TFEC: variants seen among roughly 807,000 people sequenced by gnomAD.
TFEC encodes the protein class E basic helix-loop-helix protein 34.
A neutral mutation model predicts 41.6 loss-of-function variants in TFEC; 31 were observed. The observed-to-expected ratio is 0.74, with a 90% CI of 0.56 to 1.01. The LOEUF is 1.01. TFEC is among the 50% of genes least tolerant of loss of function. TFEC has a pLI of 0.00. For missense variants in TFEC, 402 were observed against 404.1 expected, an observed-to-expected ratio of 0.99 and a Z score of 0.04; for synonymous variants, 143 against 140.6, an observed-to-expected ratio of 1.02 and a Z score of -0.12.
Position 115,936,555 on chromosome 7 carries a change from T to G in TFEC, c.*3996A>C, listed in dbSNP as rs926736064. ...AATTTGGAACACTTAGTTATGCCAT[T>G]TATTTATTTGAACGTTTAAATTCCA... On this transcript the variant is annotated 3_prime_UTR_variant, in exon 8 of 8. Coordinates refer to ENST00000265440, the MANE Select transcript of TFEC (RefSeq NM_012252.4). 6.6e-6 allele frequency: 1 copy of G among 151,724 alleles called. No homozygotes were observed. The highest frequency in any genetic ancestry group is 1.5e-5 in the Non-Finnish European group (1 of 67,690). 9.4% of individuals were successfully genotyped at this position (151,724 alleles called of 1,614,324 possible). A position where few individuals can be genotyped will look rare whatever the true frequency, so the allele number is the denominator to read the frequency against.
chr7:116,090,513 C>G (rs1797301519), intron 3 of TFEC, among the ~76,000 whole-genome samples: 1 of 152,148 alleles, frequency 6.6e-6, no homozygotes, highest in Non-Finnish European at 1.5e-5. Flanking sequence ...CGGACACCCT[C>G]CACTGGTAAC....
intron 1 of TFEC, among the ~76,000 whole-genome samples, chr7:116,147,005 A>T (rs1798654235): frequency 6.6e-6 from 1 of 152,236 alleles, no homozygotes; most frequent in African/African-American, 2.4e-5. Flanking sequence ...TTAGCCAAAG[A>T]TGAAGACAAA....
At chr7:116,134,958 T>C (rs907409614) in intron 1 of TFEC, among the ~76,000 whole-genome samples, 1 of 152,202 alleles carries the variant, frequency 6.6e-6, no homozygotes, top group African/African-American at 2.4e-5. Flanking sequence ...GGACTTGATA[T>C]TGGACTATGA....
intron 5 of TFEC, among the ~76,000 whole-genome samples, chr7:115,954,109 G>A (rs986190605): frequency 6.6e-6 from 1 of 151,950 alleles, no homozygotes; most frequent in Admixed American, 6.6e-5. Context: ...AGGAAGGCAT[G>A]AGGGCTCTAT....
chr7:116,026,315 T>C (rs928276208), intron 1 of TFEC, among the ~76,000 whole-genome samples: 1 of 152,248 alleles, frequency 6.6e-6, no homozygotes, highest in African/African-American at 2.4e-5. Flanking sequence ...ATTTTAAAGA[T>C]ATGCTTCACC....
chr7:115,939,537 T>G lies in TFEC; in HGVS notation c.*1014A>C, dbSNP rs926673706. The stretch of plus-strand genomic sequence containing the variant: ...AATTGGCAATTCAATTTTCAATATT[T>G]TATCCATTTGGAGAAAAACCAAATC... On this transcript the variant is annotated 3_prime_UTR_variant, in exon 8 of 8. Transcript: ENST00000265440. The G allele has an allele frequency of 1.6e-4, 24 of 152,090 alleles. No individual in the cohort carries two copies. Among genetic ancestry groups the G allele is most frequent in the African/African-American group, 5.8e-4 (24 of 41,434 alleles). 9.4% of individuals were successfully genotyped at this position (152,090 alleles called of 1,614,324 possible).
chr7:116,085,984 C>T (rs752591282), intron 3 of TFEC, among the ~76,000 whole-genome samples: 8 of 151,884 alleles, frequency 5.3e-5, no homozygotes, highest in Non-Finnish European at 1.2e-4. Flanking sequence ...TTGACTCTTA[C>T]ATAACCACTG....
At chr7:115,956,485 C>A in intron 4 of TFEC, among the ~76,000 whole-genome samples, 194 bp downstream of exon 4, 1 of 151,780 alleles carries the variant, frequency 6.6e-6, no homozygotes, top group East Asian at 1.9e-4. Context: ...AATAATGAAT[C>A]AATTCAGTCA....
chr7:116,096,265 G>A (rs1312979997), intron 3 of TFEC, among the ~76,000 whole-genome samples: 1 of 152,012 alleles, frequency 6.6e-6, no homozygotes, highest in Non-Finnish European at 1.5e-5. Context: ...AATTTTAAGG[G>A]TGGTTTCTTT....
chr7:115,958,588 C>T (rs1200342856), intron 3 of TFEC, among the ~76,000 whole-genome samples: 1 of 151,772 alleles, frequency 6.6e-6, no homozygotes, highest in Non-Finnish European at 1.5e-5. Flanking sequence ...AGATATACCG[C>T]AACAATAAAG....
chr7:116,021,631 C>T (rs1322448958), intron 1 of TFEC, among the ~76,000 whole-genome samples: 1 of 152,130 alleles, frequency 6.6e-6, no homozygotes, highest in African/African-American at 2.4e-5. Flanking sequence ...TACAGACACC[C>T]ACGTCCTCCA....
intron 3 of TFEC, among the ~76,000 whole-genome samples, chr7:116,082,570 T>A (rs980461675): frequency 1.3e-5 from 2 of 152,040 alleles, no homozygotes; most frequent in Admixed American, 1.3e-4. Context: ...AAAGAAACTA[T>A]GCTAAATTAA....
At chr7:116,138,281 GACAGTGC>G (rs1304317134) in intron 1 of TFEC, among the ~76,000 whole-genome samples, 1 of 152,172 alleles carries the variant, frequency 6.6e-6, no homozygotes, top group Non-Finnish European at 1.5e-5. Context: ...TATCTTCACA[GACAGTGC>G]ACTGATTTTC....
At chr7:116,147,280 C>G (rs1798661117) in intron 1 of TFEC, among the ~76,000 whole-genome samples, 1 of 152,106 alleles carries the variant, frequency 6.6e-6, no homozygotes, top group Non-Finnish European at 1.5e-5. Context: ...TAAAAGAAAT[C>G]TATATCTAGA....
intron 3 of TFEC, among the ~76,000 whole-genome samples, chr7:116,046,012 G>A (rs960547262): frequency 1.3e-5 from 2 of 152,124 alleles, no homozygotes; most frequent in East Asian, 3.9e-4. Flanking sequence ...TCTCCCATTT[G>A]GAATGGCTAT....
chr7:116,097,837 A>T (rs1346280574), intron 3 of TFEC, among the ~76,000 whole-genome samples: 2 of 152,256 alleles, frequency 1.3e-5, no homozygotes, highest in Non-Finnish European at 1.5e-5. Context: ...AAAACTATCC[A>T]ATGATATGGA....
At chr7:116,044,345 G>A (rs1796111399) in intron 3 of TFEC, among the ~76,000 whole-genome samples, 1 of 152,040 alleles carries the variant, frequency 6.6e-6, no homozygotes, top group African/African-American at 2.4e-5. Flanking sequence ...GTATTTGATG[G>A]GAGTGGGCAC....
At chr7:116,087,112 G>A (rs984701344) in intron 3 of TFEC, among the ~76,000 whole-genome samples, 6 of 151,942 alleles carry the variant, frequency 3.9e-5, no homozygotes, top group South Asian at 2.1e-4. Context: ...TTAGAGATCA[G>A]GGGAGGGACA....
At chr7:115,949,135 C>T (rs1451002225) in intron 6 of TFEC, among the ~76,000 whole-genome samples, 1 of 152,122 alleles carries the variant, frequency 6.6e-6, no homozygotes, top group Non-Finnish European at 1.5e-5. Flanking sequence ...AGGAATCCAA[C>T]TTAAAAGGGA....
Sources: gnomAD v4.1 joint callset for allele counts (sites outside exome capture counted in the v4.1 genomes callset) on GRCh38, gnomAD v4.1.1 for gene constraint, MANE v1.5 for transcripts, NCBI Gene and HGNC (gene_info 2026-07-23, HGNC 2026-07-21) for gene names.